The following PTPRG variants were observed in gnomAD, a reference collection of about 807,000 sequenced individuals.
PTPRG encodes receptor-type tyrosine-protein phosphatase gamma.
In PTPRG, 102 loss-of-function variants were observed where a neutral mutation model predicts 165.3. The observed-to-expected ratio is 0.62, with a 90% CI of 0.53 to 0.73. The LOEUF is 0.73. PTPRG is among the 30% of genes least tolerant of loss of function. The pLI is 0.00. For missense variants in PTPRG, 1,866 were observed against 1,861.4 expected (o/e 1.00, Z -0.05); for synonymous variants, 675 against 669.5 (o/e 1.01, Z -0.13).
chr3:61,717,554 G>A (rs999067592), intron 1 of PTPRG, among the ~76,000 whole-genome samples: 1 of 151,992 alleles, frequency 6.6e-6, no homozygotes, highest in Non-Finnish European at 1.5e-5. Context: ...TTGGGAGGCC[G>A]AGGCAAGCGG....
intron 1 of PTPRG, among the ~76,000 whole-genome samples, chr3:61,746,045 CT>C (rs1283432530): frequency 1.6e-4 from 16 of 100,276 alleles, no homozygotes; most frequent in African/African-American, 5.6e-4. Context: ...CTTTCTTTTT[CT>C]TTTCTTTTTT....
intron 8 of PTPRG, among the ~76,000 whole-genome samples, chr3:62,182,335 C>T (rs1705688487): frequency 6.6e-6 from 1 of 152,194 alleles, no homozygotes; most frequent in Non-Finnish European, 1.5e-5. Flanking sequence ...GTGATTATCA[C>T]ACAAGTCTCG....
intron 1 of PTPRG, among the ~76,000 whole-genome samples, chr3:61,671,766 G>A (rs1702999061): frequency 6.9e-6 from 1 of 145,176 alleles, no homozygotes; most frequent in African/African-American, 2.6e-5. Context: ...GCCGGGCGGG[G>A]GGCTGACCCC....
chr3:62,199,968 A>G (rs1456454279), intron 10 of PTPRG, among the ~76,000 whole-genome samples: 24 of 152,218 alleles, frequency 1.6e-4, no homozygotes, highest in Admixed American at 1.5e-3. Flanking sequence ...ATGAAGCTTG[A>G]GGACGTTATG....
At chr3:61,779,315 A>G (rs1282876811) in intron 2 of PTPRG, among the ~76,000 whole-genome samples, 3 of 152,154 alleles carry the variant, frequency 2.0e-5, no homozygotes, top group Non-Finnish European at 2.9e-5. Context: ...CTATACAAGT[A>G]GGTTTTGACT....
chr3:61,843,373 C>T (rs2036708054), intron 2 of PTPRG, among the ~76,000 whole-genome samples: 1 of 152,036 alleles, frequency 6.6e-6, no homozygotes, highest in Non-Finnish European at 1.5e-5. Flanking sequence ...GTATATCACA[C>T]ACATACATAC....
intron 1 of PTPRG, among the ~76,000 whole-genome samples, chr3:61,620,827 C>T (rs544719380): frequency 1.3e-5 from 2 of 152,004 alleles, no homozygotes; most frequent in African/African-American, 4.8e-5. Flanking sequence ...CAGGGTTTCA[C>T]TATGTTGGCC....
intron 23 of PTPRG, among the ~76,000 whole-genome samples, chr3:62,275,543 A>C (rs562410136): frequency 7.2e-5 from 11 of 152,326 alleles, no homozygotes; most frequent in African/African-American, 2.4e-4. Flanking sequence ...TGGGCATGGT[A>C]GATTACACCT....
chr3:62,292,842 A>C, intron 29 of PTPRG: 1 of 476,060 alleles, frequency 2.1e-6, no homozygotes, highest in Non-Finnish European at 3.7e-6. Flanking sequence ...GCTTTAGAGG[A>C]TAGTATTCTC....
intron 2 of PTPRG, among the ~76,000 whole-genome samples, chr3:61,820,414 G>A (rs574460967): frequency 2.2e-4 from 34 of 152,066 alleles, no homozygotes; most frequent in Non-Finnish European, 3.1e-4. Flanking sequence ...GTATTAAGTG[G>A]TGCCCACCCA....
At chr3:62,265,165 T>C (rs1315335893) in intron 17 of PTPRG, among the ~76,000 whole-genome samples, 1 of 152,128 alleles carries the variant, frequency 6.6e-6, no homozygotes, top group Admixed American at 6.5e-5. Flanking sequence ...GTTGTAAGAG[T>C]TCTTTATATA....
At chr3:61,912,768 A>T (rs2038835716) in intron 2 of PTPRG, among the ~76,000 whole-genome samples, 1 of 152,206 alleles carries the variant, frequency 6.6e-6, no homozygotes, top group Non-Finnish European at 1.5e-5. Context: ...CATTTGAATT[A>T]TGCAGAGCCT....
chr3:61,817,130 CAT>C (rs1368408099), intron 2 of PTPRG, among the ~76,000 whole-genome samples: 7 of 126,228 alleles, frequency 5.5e-5, no homozygotes, highest in East Asian at 4.2e-4. Context: ...ATGTATTACA[CAT>C]AATACATATA....
intron 1 of PTPRG, among the ~76,000 whole-genome samples, chr3:61,612,260 G>GA (rs1237810991): frequency 3.9e-5 from 6 of 152,158 alleles, no homozygotes; most frequent in African/African-American, 1.4e-4. Context: ...TAAGGCTTTT[G>GA]ATAAGCCCTG....
At chr3:61,714,048 A>G (rs933442526) in intron 1 of PTPRG, among the ~76,000 whole-genome samples, 1 of 152,218 alleles carries the variant, frequency 6.6e-6, no homozygotes, top group Non-Finnish European at 1.5e-5. Context: ...GAACTGAATG[A>G]TCTCCAAAAT....
At chr3:61,953,349 C>T (rs561539419) in intron 2 of PTPRG, among the ~76,000 whole-genome samples, 12 of 152,240 alleles carry the variant, frequency 7.9e-5, no homozygotes, top group African/African-American at 2.4e-4. Context: ...GACACAGGCA[C>T]GCAGGCAAAA....
intron 1 of PTPRG, among the ~76,000 whole-genome samples, chr3:61,677,205 AC>A (rs1227201371): frequency 6.8e-6 from 1 of 147,294 alleles, no homozygotes; most frequent in Non-Finnish European, 1.5e-5. Flanking sequence ...AGATCGCACC[AC>A]TGCACTCCAG....
chr3:61,722,934 A>G (rs7637558), intron 1 of PTPRG, among the ~76,000 whole-genome samples: 42,453 of 151,794 alleles, frequency 0.28, 6,724 homozygotes, highest in East Asian at 0.72. Flanking sequence ...GATTTGAGAG[A>G]TACAAGTGGA....
intron 5 of PTPRG, among the ~76,000 whole-genome samples, chr3:62,113,258 C>T (rs960410495): frequency 6.6e-6 from 1 of 152,118 alleles, no homozygotes; most frequent in African/African-American, 2.4e-5. Flanking sequence ...GTTCCTATTA[C>T]CTGCCACAGA....
Sources: gnomAD v4.1 joint callset for allele counts (sites outside exome capture counted in the v4.1 genomes callset) on GRCh38, gnomAD v4.1.1 for gene constraint, MANE v1.5 for transcripts, NCBI Gene and HGNC (gene_info 2026-07-23, HGNC 2026-07-21) for gene names.